Variants in WDR27 observed in about 807,000 individuals in gnomAD.
The protein encoded by WDR27 is WD repeat-containing protein 27.
A neutral mutation model predicts 114.4 loss-of-function variants in WDR27; 100 were observed. The ratio of observed to expected loss-of-function variants is 0.87; its 90% CI spans 0.74 to 1.03. WDR27 has a LOEUF of 1.03. Among genes scored for constraint, WDR27 ranks in the 50% least tolerant of loss-of-function variants. The pLI is 0.00. For synonymous variants in WDR27, 449 were observed against 423.1 expected, an observed-to-expected ratio of 1.06 and a Z score of -0.75; for missense variants, 1,129 against 1,092.9, an observed-to-expected ratio of 1.03 and a Z score of -0.47.
intron 1 of WDR27, 37 bp downstream of exon 1, chr6:169,701,514 G>A (rs1317205951): frequency 6.5e-6 from 1 of 153,184 alleles, no homozygotes; most frequent in Non-Finnish European, 1.5e-5. Context: ...AGATCTGAGT[G>A]CTCCTTATAC....
chr6:169,633,778 A>G (rs752853681), intron 20 of WDR27, among the ~76,000 whole-genome samples: 3 of 152,174 alleles, frequency 2.0e-5, no homozygotes, highest in Non-Finnish European at 4.4e-5. Flanking sequence ...AATAATCCTA[A>G]TGACATATTT....
At chr6:169,528,403 T>A (rs575933727) in intron 25 of WDR27, among the ~76,000 whole-genome samples, 1 of 152,188 alleles carries the variant, frequency 6.6e-6, no homozygotes, top group African/African-American at 2.4e-5. Flanking sequence ...GTCCCTACTT[T>A]GGGTTTTTCA....
chr6:169,562,553 G>A (rs1206696862), intron 25 of WDR27, among the ~76,000 whole-genome samples: 1 of 152,104 alleles, frequency 6.6e-6, no homozygotes, highest in African/African-American at 2.4e-5. Flanking sequence ...AACAGAAGGG[G>A]GGCCCAAGGG....
intron 2 of WDR27, among the ~76,000 whole-genome samples, chr6:169,675,430 G>A (rs1440405504): frequency 6.6e-6 from 1 of 151,998 alleles, no homozygotes; most frequent in Non-Finnish European, 1.5e-5. Context: ...CAAAAGAGTC[G>A]AACTTTGTAA....
chr6:169,587,214 CTTT>C (rs770797963), intron 23 of WDR27, among the ~76,000 whole-genome samples: 5 of 115,692 alleles, frequency 4.3e-5, no homozygotes, highest in Non-Finnish European at 7.1e-5. Context: ...CAAGGATTTT[CTTT>C]TTTTTTTTTT....
chr6:169,668,151 T>A lies in WDR27; in HGVS notation c.491A>T (p.Asp164Val). Residue 164 changes from aspartate (D) to valine (V), a missense_variant, in exon 5 of 26, where the codon GAT becomes GTT. Coordinates refer to ENST00000448612, the MANE Select transcript of WDR27 (RefSeq NM_182552.5). ...RFSVTYIERP[D>V]VNNRHKVPPP... Reference sequence around the variant, plus strand: ...TGGGACTTTGTGGCGGTTATTAACATCAGGACGTTCTATGTATGTCACAGA... The same window carrying A: ...TGGGACTTTGTGGCGGTTATTAACAACAGGACGTTCTATGTATGTCACAGA... 1.2e-6 allele frequency: 2 copies of A among 1,614,000 alleles called. No individual in the cohort carries two copies. The highest frequency in any genetic ancestry group is 1.7e-6 in the Non-Finnish European group (2 of 1,179,872).
At chr6:169,629,073 G>C (rs553014791) in intron 21 of WDR27, among the ~76,000 whole-genome samples, 1 of 152,242 alleles carries the variant, frequency 6.6e-6, no homozygotes, top group East Asian at 1.9e-4. Flanking sequence ...TATGAAGTGG[G>C]AACAGAGAGG....
chr6:169,674,714 A>G (rs2128302849), intron 2 of WDR27, among the ~76,000 whole-genome samples: 1 of 152,304 alleles, frequency 6.6e-6, no homozygotes. Flanking sequence ...TAGAACCCCA[A>G]TGATAAAGTT....
chr6:169,440,355 G>A, the WDR27 span, among the ~76,000 whole-genome samples: 13 of 152,126 alleles, frequency 8.5e-5, no homozygotes, highest in South Asian at 4.2e-4. Context: ...ATTTCCTAAC[G>A]CCCTATAAAC....
chr6:169,520,557 C>A (rs1293172996), intron 25 of WDR27, among the ~76,000 whole-genome samples: 2 of 151,974 alleles, frequency 1.3e-5, no homozygotes, highest in East Asian at 1.9e-4. Flanking sequence ...AGCTGGGAAC[C>A]AGTGACTGAC....
At chr6:169,486,474 G>T (rs976261390) in intron 25 of WDR27, among the ~76,000 whole-genome samples, 28 of 151,768 alleles carry the variant, frequency 1.8e-4, no homozygotes, top group Admixed American at 9.2e-4. Context: ...AGGAGGCAGG[G>T]TTATTTATAT....
rs145440232 is a variant in WDR27, at chr6:169,583,512, TACACAC to T, written c.2425-584_2425-579del. 4.0e-3 allele frequency among the ~76,000 whole-genome samples: 154 copies of T among 38,898 alleles called. 1 individual carries two copies. In the Middle Eastern group the frequency reaches 0.068, roughly 17 times the overall value. The allele number at this position is 38,898 out of a possible 152,430, so 25.5% of individuals were successfully genotyped here. A position where few individuals can be genotyped will look rare whatever the true frequency, so the allele number is the denominator to read the frequency against. On this transcript the variant is annotated intron_variant, in intron 23 of 25. Transcript: ENST00000448612. The stretch of plus-strand genomic sequence containing the variant: ...ACATATATATATATATATGTATATA[TACACAC>T]ACACACACACACACACACACACATA...
At position 169,634,545 on chromosome 6, in the gene WDR27, T is replaced by A. The variant is rs1257070320; in HGVS notation, c.2004-20A>T. On this transcript the variant is annotated intron_variant, in intron 19 of 25. Transcript: ENST00000448612. Reference sequence around the variant, plus strand: ...TTATATCTGGAAGAGAAAATCAAGATGATCAATATTTTTGCTTTCCTTCTG... The same window carrying A: ...TTATATCTGGAAGAGAAAATCAAGAAGATCAATATTTTTGCTTTCCTTCTG... 1 of 1,570,654 alleles carries A rather than the reference T, an allele frequency of 6.4e-7. No homozygotes were observed. Among genetic ancestry groups the A allele is most frequent in the Admixed American group, 1.8e-5 (1 of 56,136 alleles).
chr6:169,632,712 T>C (rs1000513425), intron 21 of WDR27, among the ~76,000 whole-genome samples: 2 of 152,234 alleles, frequency 1.3e-5, no homozygotes, highest in East Asian at 3.8e-4. Context: ...TAGTAAAATC[T>C]TAATATGGGC....
intron 25 of WDR27, among the ~76,000 whole-genome samples, chr6:169,481,924 C>G (rs531922372): frequency 1.3e-5 from 2 of 152,276 alleles, no homozygotes; most frequent in Admixed American, 6.5e-5. Context: ...TCAGGCAGAC[C>G]AAGAACACAC....
At chr6:169,606,650 T>C (rs1050418800) in intron 22 of WDR27, among the ~76,000 whole-genome samples, 119 of 152,348 alleles carry the variant, frequency 7.8e-4, no homozygotes, top group African/African-American at 2.6e-3. Flanking sequence ...ATCTTATTCC[T>C]TTTTATGGTT....
chr6:169,672,931 G>A (rs574310415), intron 2 of WDR27, among the ~76,000 whole-genome samples: 1 of 152,324 alleles, frequency 6.6e-6, no homozygotes, highest in Non-Finnish European at 1.5e-5. Flanking sequence ...ATAATACAGT[G>A]ACTAGATTTG....
chr6:169,546,417 C>T (rs764153393), intron 25 of WDR27, among the ~76,000 whole-genome samples: 84 of 152,286 alleles, frequency 5.5e-4, no homozygotes, highest in Non-Finnish European at 1.0e-3. Context: ...TCAGCCTCCA[C>T]GTGCACTCCC....
chr6:169,638,572 C>A lies in WDR27; in HGVS notation c.1836G>T (p.Trp612Cys), dbSNP rs752352539. The A allele has an allele frequency of 3.7e-6, 6 of 1,610,974 alleles. No homozygotes were observed. In the East Asian group the frequency reaches 1.3e-4, roughly 36 times the overall value. ...SAARDGTLRM[W>C]SARGAELALL... ...GTGCGAGCTCTGCCCCACGAGCCGA[C>A]CACATTCGCAGGGTCCCGTCCCGGG... The change falls in exon 18 of 26, where the codon TGG (tryptophan) becomes TGT (cysteine). Residue 612 changes from tryptophan to cysteine, a missense_variant. Trp to Cys is a radical substitution (Grantham distance 215, BLOSUM62 -2). Coordinates refer to ENST00000448612, the MANE Select transcript of WDR27 (RefSeq NM_182552.5).
Sources: gnomAD v4.1 joint callset for allele counts (sites outside exome capture counted in the v4.1 genomes callset) on GRCh38, gnomAD v4.1.1 for gene constraint, MANE v1.5 for transcripts, NCBI Gene and HGNC (gene_info 2026-07-23, HGNC 2026-07-21) for gene names.